Variants in ZNF676 observed in about 807,000 individuals in gnomAD.
ZNF676 encodes the protein zinc finger protein 676.
ZNF676 carries 4 observed loss-of-function variants against 6.0 expected under a neutral mutation model. That is an observed-to-expected ratio of 0.67 (90% CI 0.33 to 1.53). The LOEUF is 1.53. Among genes scored for constraint, ZNF676 ranks in the 40% most tolerant of loss-of-function variants. The pLI is 0.06. For missense variants in ZNF676, 644 were observed against 679.7 expected, an observed-to-expected ratio of 0.95 and a Z score of 0.58; for synonymous variants, 198 against 223.1, an observed-to-expected ratio of 0.89 and a Z score of 1.00.
At chr19:22,228,022 T>C in the ZNF676 span, among the ~76,000 whole-genome samples, 2 of 152,160 alleles carry the variant, frequency 1.3e-5, no homozygotes, top group Admixed American at 1.3e-4. Flanking sequence ...AGCATCATCC[T>C]GATACCAAAG....
At chr19:22,238,593 C>A in the ZNF676 span, among the ~76,000 whole-genome samples, 2 of 151,962 alleles carry the variant, frequency 1.3e-5, no homozygotes, top group African/African-American at 2.4e-5. Context: ...CCTCTAGAAC[C>A]ACTCCTGTTA....
the ZNF676 span, among the ~76,000 whole-genome samples, chr19:22,241,546 C>T: frequency 1.3e-5 from 2 of 151,780 alleles, no homozygotes; most frequent in East Asian, 1.9e-4. Context: ...GAAGGATGAC[C>T]ATCTTTACTA....
the ZNF676 span, among the ~76,000 whole-genome samples, chr19:22,237,485 C>A: frequency 6.6e-6 from 1 of 152,100 alleles, no homozygotes; most frequent in Non-Finnish European, 1.5e-5. Flanking sequence ...TAGTGTACCT[C>A]CTCATGGGGC....
At position 22,196,640 on chromosome 19, in the gene ZNF676, C is replaced by T. The variant is rs968737023; in HGVS notation, c.-7G>A. 9.3e-6 allele frequency: 15 copies of T among 1,613,612 alleles called. No homozygotes were observed. In the Admixed American group the frequency reaches 1.8e-4, roughly 20 times the overall value. ...TTCTGTAGTTCTCTAACATCACATT[C>T]CTATATAAATTCTGCTGTGTAGAAT... On this transcript the variant is annotated 5_prime_UTR_variant, in exon 1 of 3. Coordinates refer to ENST00000397121, the MANE Select transcript of ZNF676 (RefSeq NM_001001411.3).
the ZNF676 span, among the ~76,000 whole-genome samples, chr19:22,222,042 C>G: frequency 6.6e-6 from 1 of 152,022 alleles, no homozygotes; most frequent in South Asian, 2.1e-4. Context: ...TCTTAAGGGA[C>G]AACTTAGGTG....
intron 1 of ZNF676, chr19:22,203,730 G>A (rs2024049093): frequency 6.6e-6 from 1 of 152,212 alleles, no homozygotes; most frequent in Non-Finnish European, 1.5e-5. Context: ...AAATAGCTGG[G>A]ACTATAGACA....
Position 22,180,525 on chromosome 19 carries a change from A to T in ZNF676, c.1192T>A (p.Cys398Ser). The T allele has an allele frequency of 6.2e-7, 1 of 1,610,910 alleles. No homozygotes were observed. Among genetic ancestry groups the T allele is most frequent in the Middle Eastern group, 1.7e-4 (1 of 6,002 alleles). ...AEEKPYKCEECGKASNSSSKL... is the reference protein window; with the variant it reads ...AEEKPYKCEESGKASNSSSKL... ...GAGGATGAGTTGGAAGCTTTGCCACATTCTTCACATTTGTAGGGCTTCTCT... is the reference window on the plus strand; with the variant it reads ...GAGGATGAGTTGGAAGCTTTGCCACTTTCTTCACATTTGTAGGGCTTCTCT... Residue 398 changes from cysteine to serine, a missense_variant, in exon 3 of 3, where the codon TGT (cysteine) becomes AGT (serine). Around this residue, in one of 5 missense-constraint regions of ZNF676, gnomAD observed 306 missense variants for 265.4 expected, o/e 1.15. Transcript: ENST00000397121.
intron 2 of ZNF676, among the ~76,000 whole-genome samples, chr19:22,189,200 C>T (rs2023874214): frequency 6.6e-6 from 1 of 152,012 alleles, no homozygotes; most frequent in South Asian, 2.1e-4. Flanking sequence ...GAAATAACCT[C>T]ACACATCTAC....
At chr19:22,201,237 T>G (rs2024022948), upstream of ZNF676, among the ~76,000 whole-genome samples, 1 of 152,130 alleles carries the variant, frequency 6.6e-6, no homozygotes, top group African/African-American at 2.4e-5. Context: ...AGATGATTGT[T>G]TACACTTACA....
chr19:22,249,170 G>A, the ZNF676 span, among the ~76,000 whole-genome samples: 1 of 152,128 alleles, frequency 6.6e-6, no homozygotes, highest in African/African-American at 2.4e-5. Flanking sequence ...GGAACTAAAA[G>A]CAGTTTTACA....
rs59890557 is a variant in ZNF676 at position 22,207,983 on chromosome 19, TA to T, written c.3+7648del. Among the ~76,000 whole-genome samples, 278 of 129,174 alleles carry T rather than the reference TA, an allele frequency of 2.2e-3. 1 individual carries two copies. The highest frequency in any genetic ancestry group is 6.2e-3 in the African/African-American group (222 of 35,692). 84.7% of individuals were successfully genotyped at this position (129,174 alleles called of 152,430 possible). A position where few individuals can be genotyped will look rare whatever the true frequency, so the allele number is the denominator to read the frequency against. ...ACTTAAATGTTAATCTTAAAAATTA[TA>T]AAAAAAAAAAAAACAAAAAACCCTG... is the stretch of plus-strand genomic sequence containing the variant. On this transcript the variant is annotated intron_variant, in intron 1 of 3. Transcript: ENST00000650058.
the ZNF676 span, among the ~76,000 whole-genome samples, chr19:22,223,423 T>G: frequency 1.3e-5 from 2 of 152,162 alleles, no homozygotes; most frequent in Non-Finnish European, 2.9e-5. Flanking sequence ...ATTACAGATA[T>G]GAGCCAGGAT....
chr19:22,253,402 GTGTATATATATATATGATAA>G, the ZNF676 span, among the ~76,000 whole-genome samples: 16,613 of 103,446 alleles, frequency 0.16, 1,232 homozygotes, highest in Middle Eastern at 0.26. Context: ...ATATGATAAT[GTGTATATATATATATGATAA>G]TGTATATATA....
At chr19:22,209,758 C>T (rs1384098746) in intron 1 of ZNF676, among the ~76,000 whole-genome samples, 4 of 152,312 alleles carry the variant, frequency 2.6e-5, no homozygotes, top group African/African-American at 9.6e-5. Flanking sequence ...TGATTCATTT[C>T]TGGGTCCATG....
intron 2 of ZNF676, among the ~76,000 whole-genome samples, chr19:22,192,296 TG>T (rs2023917699): frequency 6.6e-6 from 1 of 152,068 alleles, no homozygotes. Context: ...GATTTATCAA[TG>T]AAAAATGAGA....
the ZNF676 span, among the ~76,000 whole-genome samples, chr19:22,226,319 T>A: frequency 6.6e-6 from 1 of 152,086 alleles, no homozygotes; most frequent in Non-Finnish European, 1.5e-5. Context: ...GCTTTTAATA[T>A]GTTTTGAAAT....
chr19:22,241,696 C>A, the ZNF676 span, among the ~76,000 whole-genome samples: 15 of 151,834 alleles, frequency 9.9e-5, no homozygotes, highest in Admixed American at 7.9e-4. Context: ...TGGTATGAAC[C>A]CATGATTGTA....
chr19:22,237,376 C>T, the ZNF676 span, among the ~76,000 whole-genome samples: 1 of 152,174 alleles, frequency 6.6e-6, no homozygotes, highest in Non-Finnish European at 1.5e-5. Context: ...CTCTATGTTC[C>T]TTCCACCATA....
At chr19:22,215,530 TG>T in intron 1 of ZNF676, 1 of 1,380,236 alleles carries the variant, frequency 7.2e-7, no homozygotes, top group African/African-American at 1.4e-5. Context: ...GGAGAACTTG[TG>T]GAGCTGACTG....
Sources: gnomAD v4.1 joint callset for allele counts (sites outside exome capture counted in the v4.1 genomes callset) on GRCh38, gnomAD v4.1.1 for gene constraint, gnomAD v4.1.1 regional missense constraint, MANE v1.5 for transcripts, NCBI Gene and HGNC (gene_info 2026-07-23, HGNC 2026-07-21) for gene names.